Variants in XAF1 observed in about 807,000 individuals in gnomAD.
The protein encoded by XAF1 is XIAP-associated factor 1.
XAF1 carries 32 observed loss-of-function variants against 32.3 expected under a neutral mutation model. That is an observed-to-expected ratio of 0.99 (90% confidence interval 0.75 to 1.33). The LOEUF is 1.33. Ranked by LOEUF, XAF1 falls within the 40% of genes most tolerant of loss-of-function variation. The pLI is 0.00. For synonymous variants in XAF1, 120 were observed against 125.9 expected (o/e 0.95, Z 0.31); for missense variants, 379 against 366.0 (o/e 1.04, Z -0.29).
chr17:6,755,918 G>C, upstream of XAF1: 1 of 1,479,296 alleles, frequency 6.8e-7, no homozygotes, highest in Non-Finnish European at 8.9e-7. Context: ...GGGGCTTCTT[G>C]GGAGGGTCCA....
intron 5 of XAF1, among the ~76,000 whole-genome samples, chr17:6,766,025 C>T (rs1975606625): frequency 6.6e-6 from 1 of 152,158 alleles, no homozygotes; most frequent in Admixed American, 6.5e-5. Flanking sequence ...CTTGAGCATA[C>T]CATGCCTTAG....
rs922633373 is a variant in XAF1 at position 6,761,996 on chromosome 17, G to A, written c.422-159G>A. On this transcript the variant is annotated intron_variant, in intron 4 of 6. Coordinates refer to ENST00000361842, the MANE Select transcript of XAF1 (RefSeq NM_017523.5). ...TGGGTGATTCGGCCAAGAGTTGCCT[G>A]TGTGGTCAAGGATGCCGGCAGCGCA... is the stretch of plus-strand genomic sequence containing the variant. 1.1e-5 allele frequency: 17 copies of A among 1,536,526 alleles called. No homozygotes were observed. The African/African-American group carries it at 1.8e-4, about 16-fold the overall frequency.
chr17:6,758,023 T>C, intron 1 of XAF1, 66 bp from the exon 2 acceptor site: 1 of 1,607,334 alleles, frequency 6.2e-7, no homozygotes, highest in Non-Finnish European at 8.5e-7. Context: ...GGGTATGAAA[T>C]ACAGCTCCAT....
intron 2 of XAF1, 58 bp from the exon 3 acceptor site, chr17:6,759,604 C>A: frequency 1.2e-6 from 2 of 1,605,484 alleles, no homozygotes; most frequent in South Asian, 2.2e-5. Context: ...GGGGCAGGCC[C>A]TGGGTGCTGG....
intron 1 of XAF1, chr17:6,756,325 C>T: frequency 7.3e-7 from 1 of 1,366,212 alleles, no homozygotes; most frequent in Non-Finnish European, 9.5e-7. Context: ...CACTGCAGCC[C>T]CTTTCCCCCA....
At position 6,762,502 on chromosome 17, in the gene XAF1, A is replaced by G. The variant is rs115123798; in HGVS notation, c.507+262A>G. 6.6e-3 allele frequency among the ~76,000 whole-genome samples: 1,006 copies of G among 152,284 alleles called. 12 individuals are homozygous for G. Among genetic ancestry groups the G allele is most frequent in the African/African-American group, 0.023 (953 of 41,558 alleles). On this transcript the variant is annotated intron_variant, in intron 5 of 6. Coordinates refer to ENST00000361842, the MANE Select transcript of XAF1 (RefSeq NM_017523.5). Reference sequence around the variant, plus strand: ...CCAACACCCCCGATCACCTCTGACCATCTCCAAACTTCATGGCCTGGACAT... The same window carrying G: ...CCAACACCCCCGATCACCTCTGACCGTCTCCAAACTTCATGGCCTGGACAT...
chr17:6,755,628 G>A (rs371038923), upstream of XAF1: 87 of 1,013,438 alleles, frequency 8.6e-5, no homozygotes, highest in Middle Eastern at 1.0e-3. Context: ...CCATTTTTAG[G>A]GAACAGCATT....
chr17:6,770,895 C>T lies in XAF1; in HGVS notation c.760C>T (p.Pro254Ser), dbSNP rs1273518893. Residue 254 changes from proline (P) to serine (S), a missense_variant, in exon 6 of 7, where the codon CCT becomes TCT. Pro to Ser is a moderately conservative substitution (Grantham distance 74, BLOSUM62 -1). Transcript: ENST00000361842. ...AGAGCCCAAGCCCAGGACCAGCTCC[C>T]CTAGAGGAGATAAAGCAGCCTATGA... ...MSEPKPRTSS[P>S]RGDKAAYDIL... 5 of 1,614,016 alleles carry T rather than the reference C, an allele frequency of 3.1e-6. No homozygotes were observed. In the African/African-American group the frequency reaches 6.7e-5, roughly 22 times the overall value.
chr17:6,765,681 C>T (rs148124468), intron 5 of XAF1, among the ~76,000 whole-genome samples: 31 of 152,242 alleles, frequency 2.0e-4, no homozygotes, highest in African/African-American at 7.0e-4. Context: ...GGTTCACTCT[C>T]GACTTCTCTT....
At chr17:6,770,389 C>A (rs1052129285) in intron 5 of XAF1, among the ~76,000 whole-genome samples, 4 of 152,186 alleles carry the variant, frequency 2.6e-5, no homozygotes, top group Non-Finnish European at 4.4e-5. Context: ...CCTCTTAATA[C>A]CATCACATTG....
intron 2 of XAF1, 178 bp downstream of exon 2, chr17:6,758,402 G>GAGTCA: frequency 1.1e-6 from 1 of 915,182 alleles, no homozygotes; most frequent in South Asian, 1.7e-5. Context: ...TGGGGTCTGA[G>GAGTCA]AGTCAAGGCG....
upstream of XAF1, chr17:6,755,815 C>A: frequency 2.3e-6 from 3 of 1,313,802 alleles, no homozygotes; most frequent in South Asian, 1.6e-5. Context: ...GAGGCCTGGC[C>A]TCAGGCTGCC....
In XAF1 at chr17:6,762,124, C is replaced by A. The variant is rs369051231; in HGVS notation, c.422-31C>A. On this transcript the variant is annotated intron_variant, in intron 4 of 6. Coordinates refer to ENST00000361842, the MANE Select transcript of XAF1 (RefSeq NM_017523.5). ...TGGGCTAGCCGTTGACAAGGACAAT[C>A]ATTTGTGGTGTTGTTTCTCTGCTTA... The A allele has an allele frequency of 8.1e-6, 13 of 1,611,702 alleles. No homozygotes were observed. In the African/African-American group the frequency reaches 1.7e-4, roughly 21 times the overall value.
chr17:6,759,475 C>T, intron 2 of XAF1, 187 bp from the exon 3 acceptor site: 4 of 1,434,576 alleles, frequency 2.8e-6, no homozygotes, highest in Non-Finnish European at 1.8e-6. Flanking sequence ...ACTGGTCTGA[C>T]AAACACTTCT....
At position 6,773,218 on chromosome 17, in the gene XAF1, A is replaced by G. The variant is rs773725083; in HGVS notation, c.*49A>G. 3 of 1,522,222 alleles carry G rather than the reference A, an allele frequency of 2.0e-6. No homozygotes were observed. Among genetic ancestry groups the G allele is most frequent in the Non-Finnish European group, 2.7e-6 (3 of 1,118,050 alleles). The allele number at this position is 1,522,222 out of a possible 1,614,324, so 94.3% of individuals were successfully genotyped here. A position where few individuals can be genotyped will look rare whatever the true frequency, so the allele number is the denominator to read the frequency against. ...AAATTCAAAAGATTTCACTTTTAAC[A>G]CTGGCATTCCTGCCTACTTGCTGTG... is the stretch of plus-strand genomic sequence containing the variant. On this transcript the variant is annotated 3_prime_UTR_variant, in exon 7 of 7. Coordinates refer to ENST00000361842, the MANE Select transcript of XAF1 (RefSeq NM_017523.5).
chr17:6,755,747 CA>C, upstream of XAF1: 1 of 1,138,858 alleles, frequency 8.8e-7, no homozygotes, highest in African/African-American at 1.6e-5. Flanking sequence ...GATGGAGACC[CA>C]GACGGAGAGA....
At chr17:6,758,826 G>C (rs1265365082) in intron 2 of XAF1, 1 of 233,550 alleles carries the variant, frequency 4.3e-6, no homozygotes, top group Non-Finnish European at 8.7e-6. Context: ...GGTGAGATGG[G>C]GTCTGGGAGG....
intron 5 of XAF1, among the ~76,000 whole-genome samples, chr17:6,763,590 C>T (rs1056237760): frequency 4.6e-5 from 7 of 152,134 alleles, no homozygotes; most frequent in Non-Finnish European, 5.9e-5. Flanking sequence ...CCTCGGCCTC[C>T]CAAAGTTAAT....
chr17:6,770,550 A>G (rs1975940781), intron 5 of XAF1, 93 bp from the exon 6 acceptor site: 6 of 1,041,496 alleles, frequency 5.8e-6, no homozygotes, highest in African/African-American at 1.6e-5. Flanking sequence ...AAGTGTTTAC[A>G]GTGGGAATTT....
Sources: allele counts gnomAD v4.1 joint callset (sites outside exome capture counted in the v4.1 genomes callset), GRCh38; gene constraint gnomAD v4.1.1; transcripts MANE v1.5; gene names NCBI Gene and HGNC (gene_info 2026-07-23, HGNC 2026-07-21).